GSN: variants seen among roughly 807,000 people sequenced by gnomAD.
The protein encoded by GSN is gelsolin.
Under a neutral mutation model 85.7 loss-of-function variants are expected in GSN, and 56 were observed. The ratio of observed to expected loss-of-function variants is 0.65; its 90% confidence interval spans 0.53 to 0.82. The LOEUF (loss-of-function observed/expected upper bound fraction) is 0.82, where lower values mean the gene tolerates loss of function less well. Ranked by LOEUF, GSN falls within the 40% of genes least tolerant of loss-of-function variation. The pLI is 0.00. For missense variants in GSN, 857 were observed against 979.8 expected (o/e 0.87, Z 1.67); for synonymous variants, 373 against 399.1 (o/e 0.93, Z 0.78).
At chr9:121,297,751 C>G (rs894105641) in intron 2 of GSN, 1 of 152,190 alleles carries the variant, frequency 6.6e-6, no homozygotes, top group Non-Finnish European at 1.5e-5. Flanking sequence ...GTGGCTCCAT[C>G]ATTTATTTAA....
intron 1 of GSN, among the ~76,000 whole-genome samples, chr9:121,272,470 G>A (rs897500098): frequency 3.3e-5 from 5 of 152,218 alleles, no homozygotes; most frequent in Non-Finnish European, 5.9e-5. Flanking sequence ...CTCTGAGTTG[G>A]AGGGCTTTGT....
At chr9:121,302,792 C>T in intron 3 of GSN, 119 bp from the exon 4 acceptor site, 1 of 976,018 alleles carries the variant, frequency 1.0e-6, no homozygotes, top group East Asian at 2.5e-5. Flanking sequence ...AAGGCAAGGG[C>T]TTTCTCAGCT....
chr9:121,306,351 A>T (rs1389384117), intron 4 of GSN, among the ~76,000 whole-genome samples: 1 of 152,248 alleles, frequency 6.6e-6, no homozygotes, highest in Non-Finnish European at 1.5e-5. Context: ...TTTTAGAAAC[A>T]GTTTAACTTT....
chr9:121,210,094 GGA>G (rs2053945402), intron 2 of GSN: 1 of 152,186 alleles, frequency 6.6e-6, no homozygotes, highest in Admixed American at 6.5e-5. Flanking sequence ...ATATTAGTTA[GGA>G]GAGGCTAGGT....
At position 121,324,686 on chromosome 9, in the gene GSN, T is replaced by C. The variant is rs376516181; in HGVS notation, c.1416+42T>C. On this transcript the variant is annotated intron_variant, in intron 12 of 17. Transcript: ENST00000432226. ...GCCTCTCTGGGCTGCAGCCTGAGCCTTGTCCTTCTCTTCACTCATCTGTCT... is the reference window on the plus strand; with the variant it reads ...GCCTCTCTGGGCTGCAGCCTGAGCCCTGTCCTTCTCTTCACTCATCTGTCT... 3.5e-5 allele frequency: 34 copies of C among 964,970 alleles called. No individual in the cohort carries two copies. In the African/African-American group the frequency reaches 5.1e-4, roughly 15 times the overall value. 59.8% of individuals were successfully genotyped at this position (964,970 alleles called of 1,614,324 possible). A position where few individuals can be genotyped will look rare whatever the true frequency, so the allele number is the denominator to read the frequency against.
Position 121,318,731 on chromosome 9 carries a change from C to G in GSN, c.1042C>G (p.Pro348Ala). The G allele has an allele frequency of 6.2e-7, 1 of 1,614,014 alleles. No homozygotes were observed. Among genetic ancestry groups the G allele is most frequent in the Non-Finnish European group, 8.5e-7 (1 of 1,179,920 alleles). ...FKQFFKNWRD[P>A]DQTDGLGLSY... Reference sequence around the variant, plus strand: ...GCAGTTCTTCAAGAACTGGCGGGACCCAGACCAGACAGATGGCCTGGGCTT... The same window carrying G: ...GCAGTTCTTCAAGAACTGGCGGGACGCAGACCAGACAGATGGCCTGGGCTT... Residue 348 changes from proline (P) to alanine (A), a missense_variant, in exon 10 of 18, where the codon CCA (proline) becomes GCA (alanine). Physicochemically the swap from Pro to Ala is conservative, Grantham distance 27 (BLOSUM62 -1). Coordinates refer to ENST00000432226, the MANE Select transcript of GSN (RefSeq NM_198252.3). This position sits in a 1 kb window ranked among gnomAD's most constrained non-coding sequence, Gnocchi z 4.3.
chr9:121,224,720 A>G lies in GSN; in HGVS notation c.-527-6445A>G, dbSNP rs7029681. 7.3e-3 allele frequency among the ~76,000 whole-genome samples: 1,084 copies of G among 148,728 alleles called. 16 individuals carry two copies. The highest frequency in any genetic ancestry group is 0.025 in the African/African-American group (1,026 of 40,254). On this transcript the variant is annotated intron_variant, in intron 4 of 24. Coordinates refer to the GSN transcript ENST00000373823. The stretch of plus-strand genomic sequence containing the variant: ...TCCTTCAGTTGGTCAATCAATAGAG[A>G]TATGATTAGCTAGGCTACCTGAAAA...
At chr9:121,288,638 T>C (rs2058381271) in intron 2 of GSN, among the ~76,000 whole-genome samples, 1 of 152,162 alleles carries the variant, frequency 6.6e-6, no homozygotes, top group African/African-American at 2.4e-5. Context: ...ACATAGATGA[T>C]AGTTGATAGG....
rs142040190 is a variant in GSN at position 121,318,279 on chromosome 9, G to C, written c.887-127G>C. The stretch of plus-strand genomic sequence containing the variant: ...GTCGGCTCTGGGGGTCTCTGGCCTT[G>C]GCTGTCCACAGTCTAAGAAGAGTAG... On this transcript the variant is annotated intron_variant, in intron 8 of 17. Transcript: ENST00000432226. The surrounding 1 kb of genome is among the most constrained non-coding windows in gnomAD (Gnocchi z 4.3). 1,938 of 820,210 alleles carry C rather than the reference G, an allele frequency of 2.4e-3. 32 individuals carry two copies. In the African/African-American group the frequency reaches 0.028, roughly 12 times the overall value. The allele number at this position is 820,210 out of a possible 1,614,324, so 50.8% of individuals were successfully genotyped here. A position where few individuals can be genotyped will look rare whatever the true frequency, so the allele number is the denominator to read the frequency against.
At chr9:121,302,777 C>A in intron 3 of GSN, 134 bp from the exon 4 acceptor site, 1 of 845,566 alleles carries the variant, frequency 1.2e-6, no homozygotes, top group Non-Finnish European at 2.0e-6. Context: ...AACTGAGGCT[C>A]ACAGAAGGCA....
chr9:121,311,462 A>C (rs754871339), intron 5 of GSN: 1 of 159,438 alleles, frequency 6.3e-6, no homozygotes, highest in Non-Finnish European at 1.4e-5. Flanking sequence ...GATTTAGTGT[A>C]AGCTTTTTAT....
chr9:121,264,270 T>G (rs2055151623), upstream of GSN, among the ~76,000 whole-genome samples: 1 of 152,016 alleles, frequency 6.6e-6, no homozygotes, highest in Non-Finnish European at 1.5e-5. Flanking sequence ...TCTGGTAACA[T>G]AGAGAGACTT....
upstream of GSN, among the ~76,000 whole-genome samples, chr9:121,205,355 C>T (rs2053865700): frequency 6.6e-6 from 1 of 152,154 alleles, no homozygotes; most frequent in Non-Finnish European, 1.5e-5. Flanking sequence ...AGAGGGGCTC[C>T]AAAAGAATCA....
Position 121,302,957 on chromosome 9 carries a change from C to T in GSN, c.243C>T (p.Thr81=), listed in dbSNP as rs116956127. 1,337 of 1,613,996 alleles carry T rather than the reference C, an allele frequency of 8.3e-4. 8 individuals carry two copies. The East Asian group carries it at 0.011, about 13-fold the overall frequency. ...QDESGAAAIF[T]VQLDDYLNGR... Reference sequence around the variant, plus strand: ...AGAGCGGGGCGGCCGCCATCTTTACCGTGCAGCTGGATGACTACCTGAACG... The same window carrying T: ...AGAGCGGGGCGGCCGCCATCTTTACTGTGCAGCTGGATGACTACCTGAACG... The change falls in exon 4 of 18, where the codon ACC becomes ACT. Residue 81 remains threonine, a synonymous_variant. Transcript: ENST00000432226.
chr9:121,245,525 T>G (rs2054682417), intron 5 of GSN, among the ~76,000 whole-genome samples: 2 of 152,090 alleles, frequency 1.3e-5, no homozygotes, highest in African/African-American at 4.8e-5. Context: ...CCCAGTTAAT[T>G]TTTTAAAAAC....
At chr9:121,247,506 C>T (rs756906205) in intron 5 of GSN, among the ~76,000 whole-genome samples, 5 of 152,192 alleles carry the variant, frequency 3.3e-5, no homozygotes, top group African/African-American at 4.8e-5. Flanking sequence ...AAACTGAAAT[C>T]GTTTTTCTTC....
rs1478248415 is a variant in GSN at position 121,299,602 on chromosome 9, T to G, written c.-9-2361T>G. The stretch of plus-strand genomic sequence containing the variant: ...GCCGCCGCTCGTGCCTGCGCCCATT[T>G]AGTGTGCACACAGCTAGCGCCCGCC... On this transcript the variant is annotated intron_variant, in intron 2 of 17. Transcript: ENST00000432226. The surrounding 1 kb of genome is among the most constrained non-coding windows in gnomAD (Gnocchi z 4.2). 1.9e-5 allele frequency: 10 copies of G among 519,600 alleles called. No homozygotes were observed. The highest frequency in any genetic ancestry group is 2.2e-5 in the Non-Finnish European group (9 of 404,426). 32.2% of individuals were successfully genotyped at this position (519,600 alleles called of 1,614,324 possible).
intron 4 of GSN, among the ~76,000 whole-genome samples, chr9:121,222,461 T>C (rs756547084): frequency 1.3e-5 from 2 of 152,184 alleles, no homozygotes; most frequent in Non-Finnish European, 2.9e-5. Flanking sequence ...ATATAGGCAA[T>C]CAAGAATGCA....
At chr9:121,224,823 T>TAAAC (rs1266957102) in intron 4 of GSN, among the ~76,000 whole-genome samples, 1 of 149,476 alleles carries the variant, frequency 6.7e-6, no homozygotes, top group Non-Finnish European at 1.5e-5. Flanking sequence ...AATAAATAAA[T>TAAAC]AAATAAATTT....
Sources: gnomAD v4.1 joint callset for allele counts (sites outside exome capture counted in the v4.1 genomes callset) on GRCh38, gnomAD v4.1.1 for gene constraint, Gnocchi (gnomAD v3.1) non-coding constraint, MANE v1.5 for transcripts, NCBI Gene and HGNC (gene_info 2026-07-23, HGNC 2026-07-21) for gene names.